DLGAP1: variants seen among roughly 807,000 people sequenced by gnomAD.
The protein encoded by DLGAP1 is DLG associated protein 1.
DLGAP1 carries 11 observed loss-of-function variants against 90.8 expected under a neutral mutation model. The ratio of observed to expected loss-of-function variants is 0.12; its 90% confidence interval spans 0.08 to 0.20. The LOEUF (loss-of-function observed/expected upper bound fraction) is 0.20. Among genes scored for constraint, DLGAP1 ranks in the 10% least tolerant of loss-of-function variants. The probability of loss-of-function intolerance (pLI) is 1.00; values close to 1 mark genes in which losing one functional copy is unlikely to be tolerated. For missense variants in DLGAP1, 1,050 were observed against 1,333.8 expected (o/e 0.79, Z 3.31); for synonymous variants, 558 against 540.7 (o/e 1.03, Z -0.44).
chr18:3,958,810 G>A (rs1440932280), intron 3 of DLGAP1, among the ~76,000 whole-genome samples: 3 of 152,140 alleles, frequency 2.0e-5, no homozygotes, highest in African/African-American at 4.8e-5. Flanking sequence ...GGTGAGCATC[G>A]TCCTCCCGTT....
At chr18:3,978,927 C>T (rs186055343) in intron 3 of DLGAP1, among the ~76,000 whole-genome samples, 108 of 152,138 alleles carry the variant, frequency 7.1e-4, no homozygotes, top group African/African-American at 1.8e-3. Context: ...GGAAAGTGTA[C>T]GTAGGTAAAT....
chr18:3,906,215 A>C, intron 3 of DLGAP1, among the ~76,000 whole-genome samples: 1 of 152,232 alleles, frequency 6.6e-6, no homozygotes, highest in East Asian at 1.9e-4. Context: ...GATTTATCCA[A>C]GGTTACTAAT....
chr18:3,849,546 A>G (rs2069216696), intron 4 of DLGAP1, among the ~76,000 whole-genome samples: 1 of 152,136 alleles, frequency 6.6e-6, no homozygotes, highest in Admixed American at 6.5e-5. Flanking sequence ...GCCCTAGTCC[A>G]GTGGAAAGTT....
chr18:4,427,538 T>A (rs1598404248), intron 1 of DLGAP1, among the ~76,000 whole-genome samples: 1 of 152,132 alleles, frequency 6.6e-6, no homozygotes, highest in Non-Finnish European at 1.5e-5. Context: ...GCATGGCAAC[T>A]AGCAAATCTC....
At chr18:4,141,790 C>CA (rs931375663) in intron 2 of DLGAP1, among the ~76,000 whole-genome samples, 77 of 152,028 alleles carry the variant, frequency 5.1e-4, no homozygotes, top group African/African-American at 1.9e-3. Flanking sequence ...TTGCACTTTT[C>CA]AACTCCAGAA....
intron 3 of DLGAP1, among the ~76,000 whole-genome samples, chr18:3,889,893 G>A (rs1308549401): frequency 6.6e-6 from 1 of 152,222 alleles, no homozygotes; most frequent in African/African-American, 2.4e-5. Context: ...CAGAGGGAGT[G>A]TGTGTGGAGG....
intron 5 of DLGAP1, among the ~76,000 whole-genome samples, chr18:3,746,657 A>G (rs753467979): frequency 1.2e-4 from 19 of 152,204 alleles, no homozygotes; most frequent in Non-Finnish European, 2.5e-4. Flanking sequence ...ATAAAGAGGG[A>G]ATCATAAGAA....
At chr18:4,364,930 G>C (rs2081727239) in intron 1 of DLGAP1, among the ~76,000 whole-genome samples, 1 of 152,096 alleles carries the variant, frequency 6.6e-6, no homozygotes, top group African/African-American at 2.4e-5. Flanking sequence ...AGTCATACAG[G>C]AGCAAGTTAT....
chr18:3,626,325 G>A (rs1599605640), intron 7 of DLGAP1, among the ~76,000 whole-genome samples: 2 of 151,578 alleles, frequency 1.3e-5, no homozygotes, highest in African/African-American at 2.4e-5. Flanking sequence ...CAGGAATGGC[G>A]GCTCACATCT....
intron 1 of DLGAP1, among the ~76,000 whole-genome samples, chr18:4,371,867 G>C (rs2081923884): frequency 6.6e-6 from 1 of 152,170 alleles, no homozygotes; most frequent in African/African-American, 2.4e-5. Flanking sequence ...TCACATCAAG[G>C]TGTTGCTGTT....
At chr18:3,592,434 A>G (rs1396492022) in intron 7 of DLGAP1, among the ~76,000 whole-genome samples, 1 of 152,204 alleles carries the variant, frequency 6.6e-6, no homozygotes, top group Admixed American at 6.5e-5. Flanking sequence ...CCTGGCAACA[A>G]CAAAGATGAT....
chr18:4,120,548 T>C lies in DLGAP1; in HGVS notation c.-159+30632A>G, dbSNP rs141414871. ...CAATGATAGACAGGTAAGAACGAGA[T>C]TGGTGCTCAAAGCAGCTAGGGAGGT... On this transcript the variant is annotated intron_variant, in intron 2 of 12. Coordinates refer to ENST00000315677, the MANE Select transcript of DLGAP1 (RefSeq NM_004746.4). Among the ~76,000 whole-genome samples, 35 of 152,222 alleles carry C rather than the reference T, an allele frequency of 2.3e-4. No homozygotes were observed. In the East Asian group the frequency reaches 5.6e-3, roughly 24 times the overall value.
At position 4,383,906 on chromosome 18, in the gene DLGAP1, C is replaced by T. The variant is rs941276575; in HGVS notation, c.-267+71100G>A. Among the ~76,000 whole-genome samples, 3 of 152,052 alleles carry T rather than the reference C, an allele frequency of 2.0e-5. No individual in the cohort carries two copies. The highest frequency in any genetic ancestry group is 4.4e-5 in the Non-Finnish European group (3 of 67,970). ...AATAAAATAACTCTGGATCAATTAT[C>T]CAGACTCAGGGAAATGGAAAAGATT... On this transcript the variant is annotated intron_variant, in intron 1 of 12. Coordinates refer to ENST00000315677, the MANE Select transcript of DLGAP1 (RefSeq NM_004746.4). The surrounding 1 kb of genome is among the most constrained non-coding windows in gnomAD (Gnocchi z 4.0).
At chr18:3,965,383 G>T (rs908594354) in intron 3 of DLGAP1, among the ~76,000 whole-genome samples, 1 of 152,112 alleles carries the variant, frequency 6.6e-6, no homozygotes, top group African/African-American at 2.4e-5. Context: ...TAAATCTTAA[G>T]AACAACATAA....
At position 4,211,019 on chromosome 18, in the gene DLGAP1, T is replaced by C. The variant is rs567327320; in HGVS notation, c.-266-59732A>G. ...TTACCCATAAGTTTGAAGAATAAAA[T>C]TCAAAGAGAACAATGTAGCTTTATC... On this transcript the variant is annotated intron_variant, in intron 1 of 12. Coordinates refer to ENST00000315677, the MANE Select transcript of DLGAP1 (RefSeq NM_004746.4). Among the ~76,000 whole-genome samples, 14 of 152,262 alleles carry C rather than the reference T, an allele frequency of 9.2e-5. 1 individual carries two copies. The South Asian group carries it at 2.9e-3, about 32-fold the overall frequency.
chr18:3,953,295 T>G (rs11875426), intron 3 of DLGAP1, among the ~76,000 whole-genome samples: 24,666 of 152,070 alleles, frequency 0.16, 2,115 homozygotes, highest in Middle Eastern at 0.22. Flanking sequence ...TAGTGACCAT[T>G]GCATGCAATA....
At chr18:3,510,559 T>G (rs1568101706) in intron 10 of DLGAP1, among the ~76,000 whole-genome samples, 1 of 152,180 alleles carries the variant, frequency 6.6e-6, no homozygotes, top group Non-Finnish European at 1.5e-5. Flanking sequence ...ACTTCCTAAG[T>G]GAGCATGTGG....
intron 4 of DLGAP1, among the ~76,000 whole-genome samples, chr18:3,828,756 T>G (rs1354938202): frequency 6.6e-6 from 1 of 151,368 alleles, no homozygotes; most frequent in Admixed American, 6.6e-5. Flanking sequence ...AATGTCAATA[T>G]GAAATATTGA....
At chr18:3,742,685 C>T (rs1439531708) in intron 5 of DLGAP1, among the ~76,000 whole-genome samples, 173 bp from the exon 6 acceptor site, 1 of 152,192 alleles carries the variant, frequency 6.6e-6, no homozygotes, top group East Asian at 1.9e-4. Flanking sequence ...GAGCTTTTGA[C>T]AGGAAATCAT....
Sources: allele counts gnomAD v4.1 joint callset (sites outside exome capture counted in the v4.1 genomes callset), GRCh38; gene constraint gnomAD v4.1.1; non-coding constraint Gnocchi (gnomAD v3.1); transcripts MANE v1.5; gene names NCBI Gene and HGNC (gene_info 2026-07-23, HGNC 2026-07-21).